The following SPNS2 variants were observed in gnomAD, a reference collection of about 807,000 sequenced individuals.
SPNS2 encodes the protein SPNS lysolipid transporter 2, sphingosine-1-phosphate, also known as sphingosine-1-phosphate transporter SPNS2.
A neutral mutation model predicts 57.6 loss-of-function variants in SPNS2; 37 were observed. The observed-to-expected ratio is 0.64, with a 90% CI of 0.49 to 0.85. The LOEUF is 0.85. SPNS2 is among the 40% of genes least tolerant of loss of function. The pLI, the probability that SPNS2 is intolerant of heterozygous loss-of-function variation, is 0.00. For missense variants in SPNS2, 831 were observed against 779.1 expected (o/e 1.07, Z -0.79); for synonymous variants, 440 against 346.9 (o/e 1.27, Z -2.98).
chr17:4,513,194 G>A, intron 1 of SPNS2, 53 bp from the exon 2 acceptor site: 3 of 1,585,292 alleles, frequency 1.9e-6, no homozygotes, highest in Non-Finnish European at 2.6e-6. Context: ...GCTGGTCTGT[G>A]GGGACACCAG....
At chr17:4,525,340 T>A (rs1479866901) in intron 3 of SPNS2, 147 bp downstream of exon 3, 1 of 1,216,354 alleles carries the variant, frequency 8.2e-7, no homozygotes, top group African/African-American at 1.5e-5. Flanking sequence ...GAAGGACAGG[T>A]GGTCTTCGGG....
chr17:4,505,755 C>T (rs1904659055), intron 1 of SPNS2, among the ~76,000 whole-genome samples: 1 of 152,122 alleles, frequency 6.6e-6, no homozygotes, highest in Non-Finnish European at 1.5e-5. Context: ...GGCATCGGGG[C>T]AAGAATCAAA....
At chr17:4,534,984 T>C (rs1905704535) in intron 9 of SPNS2, among the ~76,000 whole-genome samples, 1 of 152,116 alleles carries the variant, frequency 6.6e-6, no homozygotes, top group Non-Finnish European at 1.5e-5. Flanking sequence ...GGGCCACTCG[T>C]TTCATCAGAT....
At chr17:4,506,148 C>T (rs1388290292) in intron 1 of SPNS2, among the ~76,000 whole-genome samples, 2 of 152,120 alleles carry the variant, frequency 1.3e-5, no homozygotes, top group Admixed American at 6.5e-5. Flanking sequence ...GGGACCAGCT[C>T]GGCCTGGCTC....
chr17:4,531,171 C>T (rs1286257354), intron 5 of SPNS2, 52 bp downstream of exon 5: 4 of 1,568,854 alleles, frequency 2.5e-6, no homozygotes, highest in Non-Finnish European at 3.5e-6. Context: ...AGACCTCGCC[C>T]CAGGGTTGCC....
intron 1 of SPNS2, among the ~76,000 whole-genome samples, chr17:4,503,982 CTT>C (rs35585489): frequency 5.8e-5 from 8 of 137,782 alleles, no homozygotes; most frequent in Admixed American, 7.1e-5. Context: ...CTCCTATTGG[CTT>C]TTTTTTTTTT....
chr17:4,514,553 C>T (rs1904938047), intron 2 of SPNS2, among the ~76,000 whole-genome samples: 1 of 152,222 alleles, frequency 6.6e-6, no homozygotes, highest in Admixed American at 6.5e-5. Flanking sequence ...TGCGATGGTT[C>T]TCAGGCTCAA....
chr17:4,533,627 G>A (rs1434353374), intron 8 of SPNS2, 161 bp from the exon 9 acceptor site: 2 of 1,036,446 alleles, frequency 1.9e-6, no homozygotes, highest in Non-Finnish European at 2.8e-6. Context: ...AGGGCCGTGG[G>A]CATGGCTTGA....
chr17:4,520,718 T>C (rs1234629854), intron 2 of SPNS2, among the ~76,000 whole-genome samples: 1 of 152,064 alleles, frequency 6.6e-6, no homozygotes, highest in East Asian at 1.9e-4. Context: ...CATGGCAGTC[T>C]GGGGAGTGAT....
chr17:4,508,433 A>C (rs1259925329), intron 1 of SPNS2, among the ~76,000 whole-genome samples: 4 of 152,224 alleles, frequency 2.6e-5, no homozygotes, highest in African/African-American at 4.8e-5. Context: ...CACCTTCCCT[A>C]AAGGTGATTG....
intron 2 of SPNS2, 30 bp downstream of exon 2, chr17:4,513,342 C>T (rs369765060): frequency 1.8e-5 from 29 of 1,611,974 alleles, no homozygotes; most frequent in African/African-American, 1.7e-4. Context: ...TTCCCCCCCA[C>T]GCCCAGGCGT....
intron 1 of SPNS2, among the ~76,000 whole-genome samples, chr17:4,505,547 G>A (rs138550684): frequency 6.6e-6 from 1 of 152,368 alleles, no homozygotes; most frequent in African/African-American, 2.4e-5. Context: ...GCTGGGCAGA[G>A]CGGCTTTTCT....
At chr17:4,518,574 C>T (rs1161987424) in intron 2 of SPNS2, among the ~76,000 whole-genome samples, 1 of 152,184 alleles carries the variant, frequency 6.6e-6, no homozygotes, top group African/African-American at 2.4e-5. Context: ...TCAGGATATT[C>T]ATTCTGGGAC....
At chr17:4,516,646 T>C (rs9899585) in intron 2 of SPNS2, among the ~76,000 whole-genome samples, 5,557 of 152,340 alleles carry the variant, frequency 0.036, 114 homozygotes, top group Middle Eastern at 0.051. Context: ...AATGGGGCTT[T>C]GAAGGATGAG....
chr17:4,535,940 G>A lies in SPNS2; in HGVS notation c.1345-136G>A, dbSNP rs537034384. 44 of 684,270 alleles carry A rather than the reference G, an allele frequency of 6.4e-5. No individual in the cohort carries two copies. The African/African-American group carries it at 7.7e-4, about 12-fold the overall frequency. 42.4% of individuals were successfully genotyped at this position (684,270 alleles called of 1,614,324 possible). ...ACTGTGGGGAGGAGGGCAGGGCCCA[G>A]GGGAGAGAGGTGTCAAGACGTAGGG... On this transcript the variant is annotated intron_variant, in intron 9 of 12. Coordinates refer to ENST00000329078, the MANE Select transcript of SPNS2 (RefSeq NM_001124758.3).
chr17:4,503,982 C>CTTTTT (rs35585489), intron 1 of SPNS2, among the ~76,000 whole-genome samples: 2 of 137,790 alleles, frequency 1.5e-5, no homozygotes, highest in Non-Finnish European at 3.1e-5. Flanking sequence ...CTCCTATTGG[C>CTTTTT]TTTTTTTTTT....
At chr17:4,533,622 C>T (rs754193262) in intron 8 of SPNS2, 166 bp from the exon 9 acceptor site, 69 of 1,025,500 alleles carry the variant, frequency 6.7e-5, no homozygotes, top group South Asian at 5.2e-4. Context: ...GCCTCAGGGC[C>T]GTGGGCATGG....
In SPNS2 at chr17:4,499,542, C is replaced by T; in HGVS notation, c.370+125C>T. On this transcript the variant is annotated intron_variant, in intron 1 of 12. Transcript: ENST00000329078. The surrounding 1 kb of genome is among the most constrained non-coding windows in gnomAD (Gnocchi z 5.2). The stretch of plus-strand genomic sequence containing the variant: ...CTATCTCCAGGCCCTACGTGAGGTC[C>T]CTACGGACCCTCTGCTCAGGCACAA... 7.3e-6 allele frequency: 4 copies of T among 546,522 alleles called. No individual in the cohort carries two copies. Among genetic ancestry groups the T allele is most frequent in the South Asian group, 4.1e-5 (1 of 24,184 alleles). 33.9% of individuals were successfully genotyped at this position (546,522 alleles called of 1,614,324 possible).
At chr17:4,527,144 G>A (rs1466810169) in intron 3 of SPNS2, among the ~76,000 whole-genome samples, 1 of 152,236 alleles carries the variant, frequency 6.6e-6, no homozygotes, top group Non-Finnish European at 1.5e-5. Flanking sequence ...ATCCATAAAT[G>A]CACTGAAATC....
Sources: allele counts gnomAD v4.1 joint callset (sites outside exome capture counted in the v4.1 genomes callset), GRCh38; gene constraint gnomAD v4.1.1; non-coding constraint Gnocchi (gnomAD v3.1); transcripts MANE v1.5; gene names NCBI Gene and HGNC (gene_info 2026-07-23, HGNC 2026-07-21).